LINGO2: variants seen among roughly 807,000 people sequenced by gnomAD.
LINGO2 encodes leucine rich repeat and Ig domain containing 2.
LINGO2 carries 14 observed loss-of-function variants against 30.6 expected under a neutral mutation model. The ratio of observed to expected loss-of-function variants is 0.46; its 90% CI spans 0.30 to 0.72. The LOEUF (loss-of-function observed/expected upper bound fraction) is 0.72. Among genes scored for constraint, LINGO2 ranks in the 30% least tolerant of loss-of-function variants. The pLI is 0.07. For missense variants in LINGO2, 729 were observed against 751.7 expected (o/e 0.97, Z 0.35); for synonymous variants, 317 against 288.5 (o/e 1.10, Z -1.00).
rs996917516 is a variant in LINGO2 at position 28,193,964 on chromosome 9, CAAAG to C, written c.-87+101240_-87+101243del. On this transcript the variant is annotated intron_variant, in intron 4 of 5. Transcript: ENST00000379992. ...GCTGATTTGCCCCAGAGTGAGCAGT[CAAAG>C]AAAGAAAAGTGGAATTGTATGGCAT... 7.9e-5 allele frequency among the ~76,000 whole-genome samples: 12 copies of C among 152,204 alleles called. No individual in the cohort carries two copies. The East Asian group carries it at 2.1e-3, about 27-fold the overall frequency.
intron 5 of LINGO2, among the ~76,000 whole-genome samples, chr9:27,976,704 T>TA (rs1820611367): frequency 6.6e-6 from 1 of 152,092 alleles, no homozygotes; most frequent in South Asian, 2.1e-4. Flanking sequence ...CTAATATTTC[T>TA]AAATAGGGAC....
At chr9:29,026,259 G>A in the LINGO2 span, among the ~76,000 whole-genome samples, 1 of 151,942 alleles carries the variant, frequency 6.6e-6, no homozygotes, top group Non-Finnish European at 1.5e-5. Flanking sequence ...AAACTCCTGA[G>A]CTCAAGCAAT....
the LINGO2 span, among the ~76,000 whole-genome samples, chr9:28,789,959 A>G: frequency 6.6e-6 from 1 of 152,216 alleles, no homozygotes; most frequent in African/African-American, 2.4e-5. Flanking sequence ...AGTGGTACAT[A>G]TATATTTCTA....
At chr9:28,412,185 GAAAA>G (rs59158472) in intron 2 of LINGO2, among the ~76,000 whole-genome samples, 34,533 of 120,576 alleles carry the variant, frequency 0.29, 4,848 homozygotes, top group Non-Finnish European at 0.34. Context: ...ACTTGTAAGT[GAAAA>G]AAAAAAAAAA....
chr9:28,105,669 A>T (rs1826565846), intron 4 of LINGO2, among the ~76,000 whole-genome samples: 1 of 152,044 alleles, frequency 6.6e-6, no homozygotes. Context: ...ATACAGGTGG[A>T]GTCCTAATTA....
the LINGO2 span, among the ~76,000 whole-genome samples, chr9:28,821,891 C>T: frequency 6.6e-6 from 1 of 152,120 alleles, no homozygotes; most frequent in Non-Finnish European, 1.5e-5. Context: ...CAGAGATGTG[C>T]ATAGACTGTT....
In LINGO2 at chr9:28,052,241, GTGT is replaced by G. The variant is rs577136842; in HGVS notation, c.-86-39839_-86-39837del. Among the ~76,000 whole-genome samples the G allele has an allele frequency of 7.4e-4, 112 of 152,242 alleles. 1 individual carries two copies. In the South Asian group the frequency reaches 0.023, roughly 31 times the overall value. ...ACTTGATCTTTGACAAAGTAGGGAA[GTGT>G]TGTAAGTTTGAGAGTCACTTCATGA... On this transcript the variant is annotated intron_variant, in intron 4 of 5. Transcript: ENST00000379992.
intron 4 of LINGO2, among the ~76,000 whole-genome samples, chr9:28,122,632 G>A (rs1446283573): frequency 2.0e-5 from 3 of 152,092 alleles, no homozygotes; most frequent in Admixed American, 6.6e-5. Flanking sequence ...TTGTACAATC[G>A]TTCCTCCTCC....
At chr9:27,950,859 G>A (rs1326299125) in intron 5 of LINGO2, 153 bp from the exon 7 acceptor site, 18 of 412,602 alleles carry the variant, frequency 4.4e-5, no homozygotes, top group Non-Finnish European at 2.5e-5. Context: ...GACCCTCTTA[G>A]TAACAGGTTC....
intron 2 of LINGO2, among the ~76,000 whole-genome samples, chr9:28,459,070 T>C (rs533733330): frequency 6.6e-6 from 1 of 152,124 alleles, no homozygotes; most frequent in African/African-American, 2.4e-5. Flanking sequence ...TGTATGTATA[T>C]ACTCTATTAT....
At chr9:29,118,372 T>G in the LINGO2 span, among the ~76,000 whole-genome samples, 1 of 152,224 alleles carries the variant, frequency 6.6e-6, no homozygotes, top group Admixed American at 6.5e-5. Flanking sequence ...ACCAGCAAAC[T>G]AGGGAGCAAA....
intron 1 of LINGO2, among the ~76,000 whole-genome samples, chr9:28,547,777 A>C (rs988705265): frequency 2.6e-5 from 4 of 152,134 alleles, no homozygotes; most frequent in African/African-American, 9.6e-5. Context: ...GGTAAACTTG[A>C]GAATGACAAA....
chr9:28,779,149 G>A, the LINGO2 span, among the ~76,000 whole-genome samples: 1 of 152,170 alleles, frequency 6.6e-6, no homozygotes, highest in African/African-American at 2.4e-5. Flanking sequence ...GCATGCAAAA[G>A]AATTTCTAGC....
chr9:28,172,110 G>T (rs544149161), intron 4 of LINGO2, among the ~76,000 whole-genome samples: 1 of 146,528 alleles, frequency 6.8e-6, no homozygotes, highest in South Asian at 2.2e-4. Context: ...AAGAATTCAC[G>T]GCCCGGCGCG....
chr9:28,476,317 C>T (rs1825724358), intron 1 of LINGO2, among the ~76,000 whole-genome samples: 1 of 152,090 alleles, frequency 6.6e-6, no homozygotes, highest in Admixed American at 6.5e-5. Context: ...GCTCTGTCGC[C>T]CAGGCTGGAG....
the LINGO2 span, among the ~76,000 whole-genome samples, chr9:28,766,802 G>C: frequency 2.9e-5 from 3 of 102,326 alleles, no homozygotes; most frequent in Non-Finnish European, 5.6e-5. Flanking sequence ...GAGAGAGAGA[G>C]AGGGAAGGAG....
intron 4 of LINGO2, among the ~76,000 whole-genome samples, chr9:28,127,998 T>TA (rs1400691571): frequency 6.6e-6 from 1 of 152,176 alleles, no homozygotes. Flanking sequence ...TGTCTCTATT[T>TA]AAAAAATCAA....
the LINGO2 span, among the ~76,000 whole-genome samples, chr9:28,797,759 T>C: frequency 6.6e-6 from 1 of 151,644 alleles, no homozygotes; most frequent in African/African-American, 2.4e-5. Flanking sequence ...AAAGTTGGAG[T>C]TAAAAAGTTG....
At position 28,658,473 on chromosome 9, in the gene LINGO2, CTT is replaced by C. The variant is rs530619235; in HGVS notation, c.-365+11725_-365+11726del. ...ATTACATCTTCTTGGTGATCTGACTCTTTTATCACTATATAATGTCCTTCTTT... is the reference window on the plus strand; with the variant it reads ...ATTACATCTTCTTGGTGATCTGACTCTTATCACTATATAATGTCCTTCTTT... On this transcript the variant is annotated intron_variant, in intron 1 of 5. Transcript: ENST00000379992. 2.9e-3 allele frequency among the ~76,000 whole-genome samples: 442 copies of C among 151,994 alleles called. 2 individuals are homozygous for C. The highest frequency in any genetic ancestry group is 6.8e-3 in the Middle Eastern group (2 of 294).
Sources: allele counts gnomAD v4.1 joint callset (sites outside exome capture counted in the v4.1 genomes callset), GRCh38; gene constraint gnomAD v4.1.1; transcripts MANE v1.5; gene names NCBI Gene and HGNC (gene_info 2026-07-23, HGNC 2026-07-21).